Variants in SPAG17 observed in about 807,000 individuals in gnomAD.
SPAG17 encodes sperm-associated antigen 17.
In SPAG17, 169 loss-of-function variants were observed where a neutral mutation model predicts 273.6. That is an observed-to-expected ratio of 0.62 (90% confidence interval 0.55 to 0.70). SPAG17 has a LOEUF of 0.70. Ranked by LOEUF, SPAG17 falls within the 30% of genes least tolerant of loss-of-function variation. The pLI, the probability that SPAG17 is intolerant of heterozygous loss-of-function variation, is 0.00. For synonymous variants in SPAG17, 825 were observed against 873.2 expected (o/e 0.94, Z 0.97); for missense variants, 2,557 against 2,627.8 (o/e 0.97, Z 0.59).
chr1:118,057,274 T>A (rs564734553), intron 18 of SPAG17, among the ~76,000 whole-genome samples: 1 of 152,210 alleles, frequency 6.6e-6, no homozygotes, highest in East Asian at 1.9e-4. Context: ...TTTACTGTTA[T>A]TGGCCTGGTC....
intron 18 of SPAG17, among the ~76,000 whole-genome samples, chr1:118,058,267 G>A (rs755061284): frequency 1.3e-5 from 2 of 152,088 alleles, no homozygotes; most frequent in Non-Finnish European, 2.9e-5. Flanking sequence ...GAGTGCAGGG[G>A]TACAATCATG....
chr1:117,979,657 G>C (rs1289403063), intron 43 of SPAG17, among the ~76,000 whole-genome samples: 1 of 152,190 alleles, frequency 6.6e-6, no homozygotes, highest in Non-Finnish European at 1.5e-5. Flanking sequence ...ACTGCGCTGA[G>C]AAGTACTACA....
At chr1:118,028,515 C>T in intron 25 of SPAG17, 121 bp from the exon 26 acceptor site, 2 of 1,192,376 alleles carry the variant, frequency 1.7e-6, no homozygotes, top group East Asian at 5.1e-5. Context: ...CTAGGTGGCC[C>T]CTGCAAGGAC....
At chr1:118,053,585 T>C (rs1382701974) in intron 20 of SPAG17, among the ~76,000 whole-genome samples, 1 of 151,868 alleles carries the variant, frequency 6.6e-6, no homozygotes, top group Non-Finnish European at 1.5e-5. Flanking sequence ...AAGTAATACA[T>C]TTACATTATA....
At chr1:117,993,317 A>G (rs1287300077) in intron 35 of SPAG17, among the ~76,000 whole-genome samples, 3 of 152,186 alleles carry the variant, frequency 2.0e-5, no homozygotes, top group Admixed American at 2.0e-4. Context: ...TGCCACTCCT[A>G]CCAGATGTAG....
At chr1:118,034,511 A>G (rs980452580) in intron 24 of SPAG17, among the ~76,000 whole-genome samples, 4 of 152,242 alleles carry the variant, frequency 2.6e-5, no homozygotes, top group African/African-American at 9.6e-5. Context: ...CTCAGTTCAC[A>G]TGCTACTGCC....
Position 118,031,869 on chromosome 1 carries a change from T to C in SPAG17, c.3434-2A>G, listed in dbSNP as rs565587052. The stretch of plus-strand genomic sequence containing the variant: ...TTTCTAAATCAGGATCCTTATCTTC[T>C]ATAAGCAGAAAAAGTAAAAATGAAG... On this transcript the variant is annotated splice_acceptor_variant, in intron 24 of 48. Transcript: ENST00000336338. LOFTEE classifies it high-confidence loss of function. 4 of 1,561,774 alleles carry C rather than the reference T, an allele frequency of 2.6e-6. No individual in the cohort carries two copies. The highest frequency in any genetic ancestry group is 2.3e-5 in the East Asian group (1 of 44,226).
intron 32 of SPAG17, 107 bp downstream of exon 32, chr1:118,005,307 T>C (rs1658764485): frequency 1.1e-6 from 1 of 939,688 alleles, no homozygotes; most frequent in Non-Finnish European, 1.5e-6. Flanking sequence ...AAGTGGATAA[T>C]TAATCCCAAG....
At chr1:118,143,978 G>A (rs1658826971) in intron 3 of SPAG17, among the ~76,000 whole-genome samples, 1 of 152,070 alleles carries the variant, frequency 6.6e-6, no homozygotes. Context: ...CTGGATCCCC[G>A]GCTCCACTGC....
chr1:117,957,788 A>T (rs1023157310), intron 48 of SPAG17, among the ~76,000 whole-genome samples: 11 of 152,174 alleles, frequency 7.2e-5, no homozygotes, highest in African/African-American at 2.7e-4. Context: ...AGCCAAAAGG[A>T]TGGACATTCC....
At chr1:118,178,326 A>G (rs1262221424) in intron 1 of SPAG17, among the ~76,000 whole-genome samples, 1 of 152,150 alleles carries the variant, frequency 6.6e-6, no homozygotes, top group Non-Finnish European at 1.5e-5. Context: ...TTGTATGAAC[A>G]GAACCAAGAA....
In SPAG17 at chr1:118,028,301, A is replaced by G. The variant is rs1045752139; in HGVS notation, c.3703T>C (p.Leu1235=). 1 of 1,613,592 alleles carries G rather than the reference A, an allele frequency of 6.2e-7. No individual in the cohort carries two copies. Among genetic ancestry groups the G allele is most frequent in the African/African-American group, 1.3e-5 (1 of 74,902 alleles). Residue 1235 remains leucine, a synonymous_variant, in exon 26 of 49, where the codon TTG becomes CTG. Coordinates refer to ENST00000336338, the MANE Select transcript of SPAG17 (RefSeq NM_206996.4). ...GTAGATTCTTGTCCAATGAAAGTCA[A>G]CAGGAGCCCACTGGGGCAAGACACA... ...LNVSCPSGLL[L]TFIGQESTGQ...
intron 48 of SPAG17, among the ~76,000 whole-genome samples, chr1:117,957,897 A>G (rs535594609): frequency 4.6e-5 from 7 of 152,356 alleles, no homozygotes; most frequent in African/African-American, 1.7e-4. Context: ...ACAGGTGCAA[A>G]TGGAAATGTA....
chr1:117,987,760 T>G, intron 40 of SPAG17, 74 bp downstream of exon 40: 1 of 1,474,336 alleles, frequency 6.8e-7, no homozygotes, highest in Non-Finnish European at 9.4e-7. Flanking sequence ...GGCAGGACAT[T>G]TTGGCCTATC....
intron 15 of SPAG17, chr1:118,076,595 T>C: frequency 6.6e-6 from 1 of 152,134 alleles, no homozygotes; most frequent in East Asian, 1.9e-4. Context: ...TGATATTCCC[T>C]CCTATGTTTA....
chr1:118,126,207 T>TC (rs1255236523), intron 3 of SPAG17, among the ~76,000 whole-genome samples: 13 of 143,910 alleles, frequency 9.0e-5, no homozygotes, highest in Non-Finnish European at 1.7e-4. Context: ...TTTATCCTTT[T>TC]TTTTTTTTTT....
At chr1:118,161,709 G>T (rs937319239) in intron 1 of SPAG17, among the ~76,000 whole-genome samples, 2 of 152,022 alleles carry the variant, frequency 1.3e-5, no homozygotes, top group African/African-American at 4.8e-5. Context: ...CTAATTTTTT[G>T]TATTTTTAGT....
chr1:118,050,767 G>A (rs568949534), intron 20 of SPAG17, among the ~76,000 whole-genome samples: 6 of 152,264 alleles, frequency 3.9e-5, no homozygotes, highest in East Asian at 1.9e-4. Context: ...TTAAATGTAC[G>A]TCCTGAAATT....
chr1:117,965,690 A>C (rs901084045), intron 47 of SPAG17: 3 of 152,196 alleles, frequency 2.0e-5, no homozygotes, highest in Non-Finnish European at 2.9e-5. Flanking sequence ...CCCCTTTGAC[A>C]TGTCCTGCAC....
Sources: allele counts gnomAD v4.1 joint callset (sites outside exome capture counted in the v4.1 genomes callset), GRCh38; gene constraint gnomAD v4.1.1; transcripts MANE v1.5; gene names NCBI Gene and HGNC (gene_info 2026-07-23, HGNC 2026-07-21).